TACC2: variants seen among roughly 807,000 people sequenced by gnomAD.
The protein encoded by TACC2 is transforming acidic coiled-coil containing protein 2.
A neutral mutation model predicts 227.3 loss-of-function variants in TACC2; 137 were observed. That is an observed-to-expected ratio of 0.60 (90% confidence interval 0.52 to 0.69). The LOEUF (loss-of-function observed/expected upper bound fraction) is 0.69. TACC2 is among the 30% of genes least tolerant of loss of function. The pLI is 0.00. For missense variants in TACC2, 3,470 were observed against 3,694.4 expected (o/e 0.94, Z 1.57); for synonymous variants, 1,523 against 1,487.5 (o/e 1.02, Z -0.55).
At position 122,050,360 on chromosome 10, in the gene TACC2, GC is replaced by G. The variant is rs2075537255; in HGVS notation, c.34-75del. On this transcript the variant is annotated intron_variant, in intron 2 of 22. Coordinates refer to ENST00000369005, the MANE Select transcript of TACC2 (RefSeq NM_206862.4). The surrounding 1 kb of genome is among the most constrained non-coding windows in gnomAD (Gnocchi z 4.6). ...CCTTACCTTGAATGCTGTGGTGGGTGCCCTGTTGATAAATGTTTTTGTGTTT... is the reference window on the plus strand; with the variant it reads ...CCTTACCTTGAATGCTGTGGTGGGTGCCTGTTGATAAATGTTTTTGTGTTT... 2 of 1,082,314 alleles carry G rather than the reference GC, an allele frequency of 1.8e-6. No homozygotes were observed. Among genetic ancestry groups the G allele is most frequent in the Non-Finnish European group, 1.4e-6 (1 of 721,248 alleles). The allele number at this position is 1,082,314 out of a possible 1,614,324, so 67.0% of individuals were successfully genotyped here.
At chr10:122,103,775 C>T (rs1023759192) in intron 5 of TACC2, among the ~76,000 whole-genome samples, 2 of 151,648 alleles carry the variant, frequency 1.3e-5, no homozygotes, top group Non-Finnish European at 2.9e-5. Flanking sequence ...GGCCTGGAGG[C>T]GGGGGTCTTG....
intron 1 of TACC2, among the ~76,000 whole-genome samples, chr10:122,004,685 C>G (rs2135164544): frequency 6.6e-6 from 1 of 152,214 alleles, no homozygotes; most frequent in South Asian, 2.1e-4. Flanking sequence ...GCTCCCTGTC[C>G]TCCAAACTAT....
At chr10:122,135,982 T>G (rs1413636739) in intron 6 of TACC2, among the ~76,000 whole-genome samples, 1 of 152,348 alleles carries the variant, frequency 6.6e-6, no homozygotes, top group South Asian at 2.1e-4. Context: ...AAAGTTGTGC[T>G]TTAGAGAAGC....
intron 2 of TACC2, among the ~76,000 whole-genome samples, chr10:122,043,309 C>T (rs1406441615): frequency 6.6e-6 from 1 of 152,144 alleles, no homozygotes; most frequent in Non-Finnish European, 1.5e-5. Flanking sequence ...AGGGTAATGG[C>T]CACCGCTTGT....
In TACC2 at chr10:122,050,296, A is replaced by G. The variant is rs924989583; in HGVS notation, c.34-142A>G. Reference sequence around the variant, plus strand: ...CTCAAGGCCTAGCTCAGTGCCGCACATAGTAGGTGTTTCGTTGGACGGCAG... The same window carrying G: ...CTCAAGGCCTAGCTCAGTGCCGCACGTAGTAGGTGTTTCGTTGGACGGCAG... On this transcript the variant is annotated intron_variant, in intron 2 of 22. Coordinates refer to ENST00000369005, the MANE Select transcript of TACC2 (RefSeq NM_206862.4). The surrounding 1 kb of genome is among the most constrained non-coding windows in gnomAD (Gnocchi z 4.6). 4 of 663,550 alleles carry G rather than the reference A, an allele frequency of 6.0e-6. No individual in the cohort carries two copies. The highest frequency in any genetic ancestry group is 1.8e-5 in the African/African-American group (1 of 54,978). The allele number at this position is 663,550 out of a possible 1,614,324, so 41.1% of individuals were successfully genotyped here.
At chr10:122,088,777 G>A (rs1288782195) in intron 5 of TACC2, 186 bp downstream of exon 5, 4 of 1,522,294 alleles carry the variant, frequency 2.6e-6, no homozygotes, top group Admixed American at 2.0e-5. Flanking sequence ...CTCCATTGTT[G>A]GAAAAGGGAT....
chr10:122,100,426 CTT>C (rs1219805294), intron 5 of TACC2, among the ~76,000 whole-genome samples: 22 of 141,172 alleles, frequency 1.6e-4, no homozygotes, highest in Admixed American at 2.9e-4. Context: ...TCTTCTCTTC[CTT>C]TTTTTTTTTT....
intron 14 of TACC2, among the ~76,000 whole-genome samples, chr10:122,228,555 C>T (rs1194589551): frequency 6.6e-6 from 1 of 152,148 alleles, no homozygotes. Context: ...TAAGCGATGC[C>T]CATGCCACGG....
At chr10:122,165,952 A>G (rs191583559) in intron 7 of TACC2, among the ~76,000 whole-genome samples, 363 of 152,334 alleles carry the variant, frequency 2.4e-3, no homozygotes, top group Non-Finnish European at 4.1e-3. Flanking sequence ...AAAAATATAT[A>G]TTCGGAGAGT....
chr10:122,090,626 T>G (rs2080698809), intron 5 of TACC2, among the ~76,000 whole-genome samples: 1 of 151,582 alleles, frequency 6.6e-6, no homozygotes, highest in African/African-American at 2.4e-5. Context: ...CTACCAATTA[T>G]TATTGCGTAT....
chr10:122,181,770 G>A (rs777740531), intron 7 of TACC2, among the ~76,000 whole-genome samples: 5 of 152,226 alleles, frequency 3.3e-5, no homozygotes, highest in Admixed American at 2.0e-4. Context: ...GCTGCATTAT[G>A]TATGAGAGAA....
chr10:122,113,875 C>T (rs534134327), intron 5 of TACC2, among the ~76,000 whole-genome samples: 1 of 152,322 alleles, frequency 6.6e-6, no homozygotes, highest in Non-Finnish European at 1.5e-5. Context: ...GCCTCTGCCT[C>T]GGGGTGTCCT....
intron 7 of TACC2, among the ~76,000 whole-genome samples, chr10:122,186,671 C>T (rs1265688482): frequency 6.6e-6 from 1 of 152,082 alleles, no homozygotes; most frequent in African/African-American, 2.4e-5. Context: ...CGCCACCATA[C>T]CTGGCTAATT....
At chr10:122,031,204 A>G (rs544080859) in intron 2 of TACC2, among the ~76,000 whole-genome samples, 7 of 152,098 alleles carry the variant, frequency 4.6e-5, no homozygotes, top group Non-Finnish European at 1.0e-4. Context: ...TGAGACACCC[A>G]CAGAGAGGGT....
intron 7 of TACC2, among the ~76,000 whole-genome samples, chr10:122,189,123 A>C (rs2094318972): frequency 6.6e-6 from 1 of 152,202 alleles, no homozygotes; most frequent in Admixed American, 6.5e-5. Context: ...CCCTTAAAAA[A>C]AATGACCGGT....
At chr10:122,245,639 T>A (rs1251702671) in intron 19 of TACC2, among the ~76,000 whole-genome samples, 3 of 152,140 alleles carry the variant, frequency 2.0e-5, no homozygotes, top group African/African-American at 7.2e-5. Flanking sequence ...TTGTTGGCGA[T>A]TCTATGTTAA....
At chr10:122,116,274 G>A (rs1360155442) in intron 5 of TACC2, among the ~76,000 whole-genome samples, 1 of 152,216 alleles carries the variant, frequency 6.6e-6, no homozygotes, top group Non-Finnish European at 1.5e-5. Context: ...TGTGTTGAGT[G>A]TCAGCTCTGT....
rs939007327 is a variant in TACC2 at position 122,194,161 on chromosome 10, C to T, written c.5835-879C>T. 2.0e-5 allele frequency among the ~76,000 whole-genome samples: 3 copies of T among 152,152 alleles called. No individual in the cohort carries two copies. Among genetic ancestry groups the T allele is most frequent in the African/African-American group, 4.8e-5 (2 of 41,440 alleles). On this transcript the variant is annotated intron_variant, in intron 7 of 22. Transcript: ENST00000369005. This position sits in a 1 kb window ranked among gnomAD's most constrained non-coding sequence, Gnocchi z 4.4. The stretch of plus-strand genomic sequence containing the variant: ...CTGGTCTCAAATGCCTGACATCAAG[C>T]GATCCTCCCACCTGAGTCTCCCAAA...
chr10:122,212,602 G>C (rs574499614), intron 9 of TACC2, among the ~76,000 whole-genome samples: 1 of 152,202 alleles, frequency 6.6e-6, no homozygotes, highest in African/African-American at 2.4e-5. Context: ...GTCTCCCAGG[G>C]GCAGCAGAAC....
Sources: gnomAD v4.1 joint callset for allele counts (sites outside exome capture counted in the v4.1 genomes callset) on GRCh38, gnomAD v4.1.1 for gene constraint, Gnocchi (gnomAD v3.1) non-coding constraint, MANE v1.5 for transcripts, NCBI Gene and HGNC (gene_info 2026-07-23, HGNC 2026-07-21) for gene names.